The following CBFB variants were observed in gnomAD, a reference collection of about 807,000 sequenced individuals.
CBFB encodes the protein core-binding factor subunit beta.
Under a neutral mutation model 30.4 loss-of-function variants are expected in CBFB, and 9 were observed. That is an observed-to-expected ratio of 0.30 (90% CI 0.18 to 0.52). The LOEUF (loss-of-function observed/expected upper bound fraction) is 0.52, where lower values mean the gene tolerates loss of function less well. Ranked by LOEUF, CBFB falls within the 20% of genes least tolerant of loss-of-function variation. The probability of loss-of-function intolerance (pLI) is 0.97; values close to 1 mark genes in which losing one functional copy is unlikely to be tolerated. For missense variants in CBFB, 170 were observed against 244.0 expected, an observed-to-expected ratio of 0.70 and a Z score of 2.02; for synonymous variants, 94 against 84.0, an observed-to-expected ratio of 1.12 and a Z score of -0.65.
At chr16:67,034,468 C>T (rs951193720) in intron 2 of CBFB, among the ~76,000 whole-genome samples, 3 of 152,188 alleles carry the variant, frequency 2.0e-5, no homozygotes. Flanking sequence ...TTGGAACAGA[C>T]TTTTTCCAAC....
At chr16:67,059,189 ATAAG>A (rs1310621352) in intron 3 of CBFB, among the ~76,000 whole-genome samples, 2 of 152,350 alleles carry the variant, frequency 1.3e-5, no homozygotes, top group Admixed American at 1.3e-4. Flanking sequence ...TATTCATAGA[ATAAG>A]TACCTTCCAG....
intron 5 of CBFB, among the ~76,000 whole-genome samples, chr16:67,087,922 A>G (rs912704175): frequency 6.6e-6 from 1 of 152,242 alleles, no homozygotes; most frequent in African/African-American, 2.4e-5. Context: ...TTTTAGCACT[A>G]AAAGCTCCAC....
chr16:67,095,350 G>A (rs917640507), intron 5 of CBFB, among the ~76,000 whole-genome samples: 1 of 151,764 alleles, frequency 6.6e-6, no homozygotes, highest in African/African-American at 2.4e-5. Context: ...AACCCCGTCT[G>A]TACTAAAATA....
intron 4 of CBFB, among the ~76,000 whole-genome samples, chr16:67,069,752 T>C (rs1961165926): frequency 6.6e-6 from 1 of 152,196 alleles, no homozygotes; most frequent in African/African-American, 2.4e-5. Flanking sequence ...GGAACCACGG[T>C]AAGATTAACA....
chr16:67,030,732 T>A (rs1011788587), intron 2 of CBFB, among the ~76,000 whole-genome samples: 1 of 152,132 alleles, frequency 6.6e-6, no homozygotes, highest in Non-Finnish European at 1.5e-5. Flanking sequence ...CCTGAGTAGC[T>A]AGGATTACAG....
At chr16:67,056,684 CTTTTTTT>C (rs563093554) in intron 3 of CBFB, among the ~76,000 whole-genome samples, 2 of 135,098 alleles carry the variant, frequency 1.5e-5, no homozygotes, top group Admixed American at 1.5e-4. Context: ...TTCTAGCAGG[CTTTTTTT>C]TTTTTTTTTA....
At chr16:67,095,388 G>T (rs1425130604) in intron 5 of CBFB, among the ~76,000 whole-genome samples, 1 of 151,936 alleles carries the variant, frequency 6.6e-6, no homozygotes, top group Non-Finnish European at 1.5e-5. Flanking sequence ...GTGGTGCTGC[G>T]TGCCTGTAGT....
intron 4 of CBFB, among the ~76,000 whole-genome samples, chr16:67,077,526 G>A (rs907817311): frequency 3.3e-5 from 5 of 152,150 alleles, no homozygotes; most frequent in African/African-American, 1.2e-4. Flanking sequence ...TGTCTTTTAT[G>A]TAAATACTGA....
chr16:67,095,482 G>T (rs543836746), intron 5 of CBFB, among the ~76,000 whole-genome samples: 1 of 152,034 alleles, frequency 6.6e-6, no homozygotes, highest in Non-Finnish European at 1.5e-5. Context: ...GCGTCACTGC[G>T]CTCCAGCCTG....
intron 5 of CBFB, among the ~76,000 whole-genome samples, 186 bp from the exon 6 acceptor site, chr16:67,098,524 A>G (rs1962120572): frequency 6.6e-6 from 1 of 152,034 alleles, no homozygotes; most frequent in African/African-American, 2.4e-5. Flanking sequence ...TTTTTAAGGA[A>G]ACTTTAGTAA....
chr16:67,093,366 AG>A, intron 5 of CBFB: 1 of 136,890 alleles, frequency 7.3e-6, no homozygotes, highest in East Asian at 2.1e-4. Context: ...AGTTTTCAGC[AG>A]GTTTTTTTTT....
chr16:67,054,631 G>A (rs1303643840), intron 3 of CBFB, among the ~76,000 whole-genome samples: 2 of 152,098 alleles, frequency 1.3e-5, no homozygotes, highest in Non-Finnish European at 2.9e-5. Flanking sequence ...GAATGATCCT[G>A]TTACCTTATT....
intron 3 of CBFB, among the ~76,000 whole-genome samples, 161 bp downstream of exon 3, chr16:67,036,916 T>C (rs1966448982): frequency 6.6e-6 from 1 of 152,160 alleles, no homozygotes; most frequent in Non-Finnish European, 1.5e-5. Context: ...TTTTTTTTTT[T>C]TAATGGCGTT....
At position 67,036,748 on chromosome 16, in the gene CBFB, C is replaced by G. The variant is rs765529526; in HGVS notation, c.275C>G (p.Ala92Gly). 1 of 1,584,214 alleles carries G rather than the reference C, an allele frequency of 6.3e-7. No homozygotes were observed. Among genetic ancestry groups the G allele is most frequent in the Non-Finnish European group, 8.7e-7 (1 of 1,152,852 alleles). The change falls in exon 3 of 6, where the codon GCA (alanine) becomes GGA (glycine). Residue 92 changes from alanine to glycine, a missense_variant. Physicochemically the swap from Ala to Gly is moderately conservative, Grantham distance 60. Coordinates refer to ENST00000412916, the MANE Select transcript of CBFB (RefSeq NM_022845.3). ...GAGTATGTCGACTTAGAAAGAGAAG[C>G]AGGCAAGGTAGGAAACATTTCTTTG... ...SREYVDLEREAGKVYLKAPMI... is the reference protein window; with the variant it reads ...SREYVDLEREGGKVYLKAPMI...
intron 5 of CBFB, among the ~76,000 whole-genome samples, chr16:67,088,224 T>C (rs1047408985): frequency 2.0e-5 from 3 of 152,182 alleles, no homozygotes; most frequent in African/African-American, 7.2e-5. Context: ...TTAGCGTGTA[T>C]ATATTTTGCT....
chr16:67,049,268 A>G (rs1344613827), intron 3 of CBFB, among the ~76,000 whole-genome samples: 1 of 151,882 alleles, frequency 6.6e-6, no homozygotes, highest in Non-Finnish European at 1.5e-5. Flanking sequence ...CAGTGGCGCA[A>G]TCTCGGCACA....
intron 4 of CBFB, among the ~76,000 whole-genome samples, chr16:67,071,056 T>C (rs1385958242): frequency 1.3e-5 from 2 of 152,138 alleles, no homozygotes; most frequent in Non-Finnish European, 2.9e-5. Flanking sequence ...ATAGGAGTTA[T>C]ACAGTGTATA....
At chr16:67,052,260 C>T (rs1273789452) in intron 3 of CBFB, among the ~76,000 whole-genome samples, 2 of 152,186 alleles carry the variant, frequency 1.3e-5, no homozygotes, top group African/African-American at 4.8e-5. Context: ...AATTTCACCT[C>T]TTTTTACTTT....
rs377679330 is a variant in CBFB, at chr16:67,066,461, G to A, written c.283-221G>A. On this transcript the variant is annotated intron_variant, in intron 3 of 5. Coordinates refer to ENST00000412916, the MANE Select transcript of CBFB (RefSeq NM_022845.3). ...TGTAATCCCAGCTACTGGGGAGTCCGAGGTGGGAGAATTGCTTGAACCCGG... is the reference window on the plus strand; with the variant it reads ...TGTAATCCCAGCTACTGGGGAGTCCAAGGTGGGAGAATTGCTTGAACCCGG... 8.6e-5 allele frequency among the ~76,000 whole-genome samples: 13 copies of A among 151,106 alleles called. No individual in the cohort carries two copies. In the South Asian group the frequency reaches 1.5e-3, roughly 17 times the overall value.
Sources: allele counts gnomAD v4.1 joint callset (sites outside exome capture counted in the v4.1 genomes callset), GRCh38; gene constraint gnomAD v4.1.1; transcripts MANE v1.5; gene names NCBI Gene and HGNC (gene_info 2026-07-23, HGNC 2026-07-21).